Variants in MARCHF1 observed in about 807,000 individuals in gnomAD.
MARCHF1 encodes the protein E3 ubiquitin-protein ligase MARCHF1.
In MARCHF1, 40 loss-of-function variants were observed where a neutral mutation model predicts 54.2. The observed-to-expected ratio is 0.74, with a 90% CI of 0.57 to 0.96. The LOEUF (loss-of-function observed/expected upper bound fraction) is 0.96, where lower values mean the gene tolerates loss of function less well. MARCHF1 is among the 40% of genes least tolerant of loss of function. The probability of loss-of-function intolerance (pLI) is 0.00; values close to 1 mark genes in which losing one functional copy is unlikely to be tolerated. For synonymous variants in MARCHF1, 236 were observed against 236.3 expected (o/e 1.00, Z 0.01); for missense variants, 586 against 656.5 (o/e 0.89, Z 1.17).
chr4:163,646,739 ACAATAC>A (rs1209149566), intron 5 of MARCHF1, among the ~76,000 whole-genome samples: 2 of 152,098 alleles, frequency 1.3e-5, no homozygotes. Flanking sequence ...TGTCAGGAAA[ACAATAC>A]CCTTAAAACC....
chr4:164,256,388 CA>C (rs1318268759), intron 1 of MARCHF1, among the ~76,000 whole-genome samples: 3 of 62,246 alleles, frequency 4.8e-5, no homozygotes, highest in South Asian at 4.5e-4. Flanking sequence ...TGGGTGAAAA[CA>C]AAAAAAACTA....
chr4:163,662,454 C>T (rs1743375145), intron 5 of MARCHF1, among the ~76,000 whole-genome samples: 1 of 151,614 alleles, frequency 6.6e-6, no homozygotes, highest in Non-Finnish European at 1.5e-5. Flanking sequence ...CTTTTTTCCC[C>T]CAAACTTCCA....
At chr4:164,309,352 C>A (rs1734786243) in intron 1 of MARCHF1, among the ~76,000 whole-genome samples, 1 of 151,930 alleles carries the variant, frequency 6.6e-6, no homozygotes, top group Admixed American at 6.6e-5. Flanking sequence ...CGCTCCCTGC[C>A]ACATTTCAGG....
chr4:163,552,857 C>T (rs555191668), intron 8 of MARCHF1, among the ~76,000 whole-genome samples: 1 of 152,044 alleles, frequency 6.6e-6, no homozygotes, highest in Non-Finnish European at 1.5e-5. Context: ...CGTGGTGAAA[C>T]CCTGCATCTA....
At chr4:163,543,089 A>G (rs1349300021) in intron 9 of MARCHF1, among the ~76,000 whole-genome samples, 1 of 152,196 alleles carries the variant, frequency 6.6e-6, no homozygotes, top group African/African-American at 2.4e-5. Context: ...GGGGCAGCAT[A>G]GTCCCACTGA....
intron 7 of MARCHF1, among the ~76,000 whole-genome samples, chr4:163,609,697 C>T (rs554189641): frequency 9.3e-5 from 14 of 150,224 alleles, no homozygotes; most frequent in African/African-American, 2.9e-4. Flanking sequence ...TATTTTTTTG[C>T]CCTGGAACCT....
chr4:164,346,825 C>T lies in MARCHF1; in HGVS notation c.-323+37045G>A, dbSNP rs543971278. ...TTTTGAATGAATGAATGCAGATTTG[C>T]AGAGAACCATATACTTTATAGCGAT... On this transcript the variant is annotated intron_variant, in intron 1 of 9. Transcript: ENST00000514618. Among the ~76,000 whole-genome samples the T allele has an allele frequency of 4.0e-5, 6 of 151,738 alleles. No homozygotes were observed. In the East Asian group the frequency reaches 7.8e-4, roughly 20 times the overall value.
At chr4:164,234,823 C>T (rs1330124476) in intron 1 of MARCHF1, 1 of 152,112 alleles carries the variant, frequency 6.6e-6, no homozygotes, top group South Asian at 2.1e-4. Flanking sequence ...TCCAGTTAAA[C>T]TACCCTTACC....
intron 4 of MARCHF1, among the ~76,000 whole-genome samples, chr4:163,702,843 T>C (rs1056333524): frequency 6.6e-6 from 1 of 152,172 alleles, no homozygotes. Context: ...GGTTAACCTT[T>C]TTGCCACGGC....
chr4:164,179,707 A>C (rs1466577301), intron 1 of MARCHF1, among the ~76,000 whole-genome samples: 1 of 152,028 alleles, frequency 6.6e-6, no homozygotes, highest in African/African-American at 2.4e-5. Flanking sequence ...CCTTTTTATA[A>C]GATACCATTA....
chr4:163,660,421 G>A (rs1211476260), intron 5 of MARCHF1, among the ~76,000 whole-genome samples: 2 of 151,970 alleles, frequency 1.3e-5, no homozygotes, highest in Non-Finnish European at 2.9e-5. Flanking sequence ...GGGTCAAGGG[G>A]AGGGAGAGCA....
intron 1 of MARCHF1, among the ~76,000 whole-genome samples, chr4:164,298,795 T>C (rs890747740): frequency 1.3e-5 from 2 of 152,142 alleles, no homozygotes; most frequent in African/African-American, 4.8e-5. Flanking sequence ...GGTTATATTT[T>C]ATTATTCTAC....
chr4:164,044,204 C>T lies in MARCHF1; in HGVS notation c.-247-55495G>A, dbSNP rs142150323. The stretch of plus-strand genomic sequence containing the variant: ...TTATAGCAGTGCCCCACACATAGTA[C>T]CAATTTTCTGTATTAGTCTGTTCTC... On this transcript the variant is annotated intron_variant, in intron 2 of 9. Transcript: ENST00000514618. Among the ~76,000 whole-genome samples the T allele has an allele frequency of 2.0e-4, 31 of 152,188 alleles. No individual in the cohort carries two copies. In the East Asian group the frequency reaches 5.4e-3, roughly 27 times the overall value.
intron 5 of MARCHF1, among the ~76,000 whole-genome samples, chr4:163,691,905 C>A (rs1020283335): frequency 6.6e-6 from 1 of 152,134 alleles, no homozygotes; most frequent in African/African-American, 2.4e-5. Context: ...CTAACAGGAA[C>A]TTTCTCAGCC....
intron 2 of MARCHF1, among the ~76,000 whole-genome samples, chr4:164,017,405 A>C (rs1387102831): frequency 6.6e-6 from 1 of 152,096 alleles, no homozygotes; most frequent in African/African-American, 2.4e-5. Flanking sequence ...AAACATAATC[A>C]GTTCTATAGA....
chr4:163,959,559 T>C (rs1373141408), intron 3 of MARCHF1, among the ~76,000 whole-genome samples: 3 of 151,944 alleles, frequency 2.0e-5, no homozygotes, highest in Non-Finnish European at 4.4e-5. Flanking sequence ...AAACAAGCAA[T>C]GGAGAAAAGA....
At chr4:164,068,851 C>T (rs573872708) in intron 2 of MARCHF1, among the ~76,000 whole-genome samples, 1 of 152,314 alleles carries the variant, frequency 6.6e-6, no homozygotes, top group South Asian at 2.1e-4. Flanking sequence ...ATCTTTATGT[C>T]TAGTTAAGGG....
At chr4:164,169,684 G>T (rs142657728) in intron 1 of MARCHF1, among the ~76,000 whole-genome samples, 97 of 152,138 alleles carry the variant, frequency 6.4e-4, no homozygotes, top group Non-Finnish European at 1.2e-3. Flanking sequence ...CATATTAAAA[G>T]CTCTCTATAA....
At chr4:164,025,630 C>A (rs1288693720) in intron 2 of MARCHF1, among the ~76,000 whole-genome samples, 1 of 148,688 alleles carries the variant, frequency 6.7e-6, no homozygotes, top group Admixed American at 6.7e-5. Flanking sequence ...AAGTTAGAAA[C>A]AAATTAACAA....
Sources: allele counts gnomAD v4.1 joint callset (sites outside exome capture counted in the v4.1 genomes callset), GRCh38; gene constraint gnomAD v4.1.1; transcripts MANE v1.5; gene names NCBI Gene and HGNC (gene_info 2026-07-23, HGNC 2026-07-21).